PLD1: variants seen among roughly 807,000 people sequenced by gnomAD.
PLD1 encodes the protein phospholipase D1.
Under a neutral mutation model 137.1 loss-of-function variants are expected in PLD1, and 112 were observed. The observed-to-expected ratio is 0.82, with a 90% CI of 0.70 to 0.96. PLD1 has a LOEUF of 0.96. Ranked by LOEUF, PLD1 falls within the 40% of genes least tolerant of loss-of-function variation. PLD1 has a pLI of 0.00. For missense variants in PLD1, 1,321 were observed against 1,342.0 expected (o/e 0.98, Z 0.24); for synonymous variants, 431 against 454.7 (o/e 0.95, Z 0.66).
intron 1 of PLD1, among the ~76,000 whole-genome samples, chr3:171,760,728 C>A (rs963569115): frequency 1.3e-5 from 2 of 152,200 alleles, no homozygotes; most frequent in East Asian, 3.9e-4. Flanking sequence ...CAGCCTGAGT[C>A]AGCCTAGGAT....
intron 12 of PLD1, among the ~76,000 whole-genome samples, chr3:171,696,927 A>C (rs1578300485): frequency 1.3e-5 from 2 of 152,242 alleles, no homozygotes; most frequent in African/African-American, 4.8e-5. Flanking sequence ...AATAACGTTT[A>C]TTTGGCCATG....
intron 21 of PLD1, among the ~76,000 whole-genome samples, chr3:171,654,687 T>C (rs966433621): frequency 1.3e-5 from 2 of 152,190 alleles, no homozygotes; most frequent in Non-Finnish European, 2.9e-5. Flanking sequence ...TGATTTTTTT[T>C]CTCTCTGATC....
intron 23 of PLD1, among the ~76,000 whole-genome samples, chr3:171,620,777 ATTTTTT>A (rs200988699): frequency 7.9e-6 from 1 of 127,036 alleles, no homozygotes; most frequent in East Asian, 2.1e-4. Flanking sequence ...TATTATATAT[ATTTTTT>A]TTTTAATTGA....
intron 1 of PLD1, among the ~76,000 whole-genome samples, chr3:171,804,745 A>G (rs1723781642): frequency 6.6e-6 from 1 of 152,264 alleles, no homozygotes; most frequent in African/African-American, 2.4e-5. Flanking sequence ...TTGATTAGCA[A>G]CAGTTTAAAC....
intron 19 of PLD1, among the ~76,000 whole-genome samples, chr3:171,663,715 G>T (rs1711778196): frequency 6.6e-6 from 1 of 152,160 alleles, no homozygotes; most frequent in Admixed American, 6.5e-5. Flanking sequence ...TTGGCATATA[G>T]TAGGTGCTTA....
chr3:171,785,816 AG>A (rs1278675516), intron 1 of PLD1, among the ~76,000 whole-genome samples: 1 of 152,234 alleles, frequency 6.6e-6, no homozygotes. Context: ...ACGTGTGGCT[AG>A]GGGACAATAT....
At chr3:171,639,405 T>A (rs1277779467) in intron 23 of PLD1, among the ~76,000 whole-genome samples, 1 of 126,366 alleles carries the variant, frequency 7.9e-6, no homozygotes, top group South Asian at 2.2e-4. Flanking sequence ...ATTATATATT[T>A]ATATATAATT....
intron 1 of PLD1, chr3:171,792,335 G>A (rs1428245884): frequency 9.1e-6 from 3 of 331,332 alleles, no homozygotes; most frequent in African/African-American, 6.5e-5. Flanking sequence ...GCACCCAGGG[G>A]CCAGTTCCAT....
chr3:171,799,941 C>G (rs746528001), intron 1 of PLD1, among the ~76,000 whole-genome samples: 1 of 152,078 alleles, frequency 6.6e-6, no homozygotes, highest in African/African-American at 2.4e-5. Context: ...CCATGATAAC[C>G]AAGGGAGCCC....
At chr3:171,724,879 T>A in intron 7 of PLD1, 91 bp from the exon 8 acceptor site, 1 of 792,170 alleles carries the variant, frequency 1.3e-6, no homozygotes, top group Admixed American at 1.8e-5. Flanking sequence ...AAATAAACCA[T>A]CTCATTCTCA....
At chr3:171,638,948 T>C (rs1221307118) in intron 23 of PLD1, among the ~76,000 whole-genome samples, 1 of 152,088 alleles carries the variant, frequency 6.6e-6, no homozygotes, top group Non-Finnish European at 1.5e-5. Flanking sequence ...TTCTTGCTTT[T>C]CTGCTTCTGT....
intron 24 of PLD1, among the ~76,000 whole-genome samples, chr3:171,615,035 T>C (rs1024273757): frequency 1.3e-5 from 2 of 152,230 alleles, no homozygotes; most frequent in African/African-American, 2.4e-5. Flanking sequence ...TTAATAGGCA[T>C]GTGAGGAAAG....
chr3:171,716,530 G>A (rs567184897), intron 8 of PLD1, among the ~76,000 whole-genome samples: 1 of 152,266 alleles, frequency 6.6e-6, no homozygotes, highest in African/African-American at 2.4e-5. Context: ...TTGGCCATAT[G>A]TATGTCTTCT....
chr3:171,691,878 T>G (rs1715194082), intron 13 of PLD1, among the ~76,000 whole-genome samples: 2 of 152,214 alleles, frequency 1.3e-5, no homozygotes, highest in Admixed American at 1.3e-4. Context: ...TTTTTCAAAT[T>G]GCTTTTCATG....
chr3:171,719,941 T>C (rs1717968046), intron 8 of PLD1, among the ~76,000 whole-genome samples: 1 of 151,968 alleles, frequency 6.6e-6, no homozygotes, highest in Non-Finnish European at 1.5e-5. Flanking sequence ...TGGGTACAAA[T>C]GAAAAAAAGT....
intron 19 of PLD1, among the ~76,000 whole-genome samples, chr3:171,667,829 G>A (rs1378992375): frequency 6.6e-6 from 1 of 152,342 alleles, no homozygotes; most frequent in East Asian, 1.9e-4. Flanking sequence ...TCTGCTCACT[G>A]TAACTTCTGC....
rs360405 is a variant in PLD1, at chr3:171,629,351, T to G, written c.2594-8831A>C. The stretch of plus-strand genomic sequence containing the variant: ...AGGAGAACTACAAACCACTGCTCAA[T>G]GAAATAAAAGAGGATACAAAGAAAT... On this transcript the variant is annotated intron_variant, in intron 23 of 26. Coordinates refer to ENST00000351298, the MANE Select transcript of PLD1 (RefSeq NM_002662.5). 9.5e-3 allele frequency among the ~76,000 whole-genome samples: 1,441 copies of G among 151,878 alleles called. 20 individuals are homozygous for G. The highest frequency in any genetic ancestry group is 0.034 in the Middle Eastern group (10 of 292).
Position 171,680,240 on chromosome 3 carries a change from CTCT to C in PLD1, c.1868-2549_1868-2547del, listed in dbSNP as rs1297213237. Among the ~76,000 whole-genome samples, 5 of 135,620 alleles carry C rather than the reference CTCT, an allele frequency of 3.7e-5. 1 individual carries two copies. The highest frequency in any genetic ancestry group is 2.1e-4 in the East Asian group (1 of 4,786). 89.0% of individuals were successfully genotyped at this position (135,620 alleles called of 152,430 possible). ...CTGTCTTTTTGTTTTCTTTTTCTTC[CTCT>C]TTTTTTTTTTTTTTTTTTTTTTTTT... On this transcript the variant is annotated intron_variant, in intron 16 of 26. Transcript: ENST00000351298.
At chr3:171,712,228 C>T (rs550708183) in intron 9 of PLD1, among the ~76,000 whole-genome samples, 1 of 152,132 alleles carries the variant, frequency 6.6e-6, no homozygotes, top group Non-Finnish European at 1.5e-5. Flanking sequence ...GCTGTGGAGA[C>T]AGGGGAGGAG....
Sources: allele counts gnomAD v4.1 joint callset (sites outside exome capture counted in the v4.1 genomes callset), GRCh38; gene constraint gnomAD v4.1.1; transcripts MANE v1.5; gene names NCBI Gene and HGNC (gene_info 2026-07-23, HGNC 2026-07-21).